ARHGEF1: variants seen among roughly 807,000 people sequenced by gnomAD.
ARHGEF1 encodes 115 kDa guanine nucleotide exchange factor.
ARHGEF1 carries 40 observed loss-of-function variants against 119.7 expected under a neutral mutation model. The observed-to-expected ratio is 0.33, with a 90% CI of 0.26 to 0.44. The LOEUF is 0.44. ARHGEF1 is among the 20% of genes least tolerant of loss of function. The pLI is 1.00. For synonymous variants in ARHGEF1, 494 were observed against 521.0 expected, an observed-to-expected ratio of 0.95 and a Z score of 0.71; for missense variants, 976 against 1,268.3, an observed-to-expected ratio of 0.77 and a Z score of 3.50.
Position 41,903,033 on chromosome 19 carries a change from T to C in ARHGEF1, c.1738+135T>C. 1 of 773,962 alleles carries C rather than the reference T, an allele frequency of 1.3e-6. No individual in the cohort carries two copies. The highest frequency in any genetic ancestry group is 2.0e-6 in the Non-Finnish European group (1 of 495,154). The allele number at this position is 773,962 out of a possible 1,614,324, so 47.9% of individuals were successfully genotyped here. A position where few individuals can be genotyped will look rare whatever the true frequency, so the allele number is the denominator to read the frequency against. On this transcript the variant is annotated intron_variant, in intron 18 of 28. Coordinates refer to ENST00000354532, the MANE Select transcript of ARHGEF1 (RefSeq NM_004706.4). The surrounding 1 kb of genome is among the most constrained non-coding windows in gnomAD (Gnocchi z 4.2). Reference sequence around the variant, plus strand: ...TCCCAGGATCTACCATCCTCCCACCTCAGCTCCCCAAGTAGCTGGGACCCC... The same window carrying C: ...TCCCAGGATCTACCATCCTCCCACCCCAGCTCCCCAAGTAGCTGGGACCCC...
chr19:41,896,697 CT>C, intron 13 of ARHGEF1: 1 of 694,764 alleles, frequency 1.4e-6, no homozygotes. Flanking sequence ...TTTATCCTTC[CT>C]TTTTCCTCTG....
chr19:41,905,046 G>C lies in ARHGEF1; in HGVS notation c.2249+10G>C. On this transcript the variant is annotated intron_variant, in intron 23 of 28. Coordinates refer to ENST00000354532, the MANE Select transcript of ARHGEF1 (RefSeq NM_004706.4). This position sits in a 1 kb window ranked among gnomAD's most constrained non-coding sequence, Gnocchi z 6.4. ...TGTCGGAGCGGAAAAAGTGAGGGGGGGTCTGAGTTCTGAGTGTGGGTGGAG... is the reference window on the plus strand; with the variant it reads ...TGTCGGAGCGGAAAAAGTGAGGGGGCGTCTGAGTTCTGAGTGTGGGTGGAG... 1 of 1,614,016 alleles carries C rather than the reference G, an allele frequency of 6.2e-7. No homozygotes were observed. Among genetic ancestry groups the C allele is most frequent in the Non-Finnish European group, 8.5e-7 (1 of 1,179,882 alleles).
chr19:41,924,313 A>G (rs2074859285), intron 1 of ARHGEF1, among the ~76,000 whole-genome samples: 2 of 152,036 alleles, frequency 1.3e-5, no homozygotes, highest in African/African-American at 4.8e-5. Flanking sequence ...ACTTGACTCA[A>G]ATCTCTAACA....
chr19:41,896,821 A>ACCTCCCCTCTCCTCTCTCG, intron 13 of ARHGEF1: 1 of 160,282 alleles, frequency 6.2e-6, no homozygotes, highest in Non-Finnish European at 1.3e-5. Flanking sequence ...CTCCTCTCTC[A>ACCTCCCCTCTCCTCTCTCG]CCTCCCCCAT....
chr19:41,905,256 G>A lies in ARHGEF1; in HGVS notation c.2331G>A (p.Pro777=), dbSNP rs1555849881. The A allele has an allele frequency of 6.2e-6, 10 of 1,612,804 alleles. No individual in the cohort carries two copies. The highest frequency in any genetic ancestry group is 2.2e-5 in the East Asian group (1 of 44,850). ...CTCGCCCTAAGCCCCGGCCCAGCCC[G>A]AGCAGGTGAGGGGGGCCATGGAGAG... ...PASRPKPRPS[P]SSTREPLLSS... Residue 777 remains proline, a synonymous_variant, in exon 24 of 29, where the codon CCG becomes CCA. Transcript: ENST00000354532. The surrounding 1 kb of genome is among the most constrained non-coding windows in gnomAD (Gnocchi z 6.4).
At chr19:41,925,671 TG>T (rs1481058061) in intron 1 of ARHGEF1, among the ~76,000 whole-genome samples, 1 of 152,002 alleles carries the variant, frequency 6.6e-6, no homozygotes, top group African/African-American at 2.4e-5. Context: ...GTGCTTCTGT[TG>T]TCTGTGATGA....
In ARHGEF1 at chr19:41,896,487, C is replaced by T. The variant is rs375093075; in HGVS notation, c.1121+5C>T. The T allele has an allele frequency of 6.8e-5, 101 of 1,489,040 alleles. No homozygotes were observed. In the African/African-American group the frequency reaches 1.3e-3, roughly 20 times the overall value. 92.2% of individuals were successfully genotyped at this position (1,489,040 alleles called of 1,614,324 possible). On this transcript the variant is annotated splice_donor_5th_base_variant and intron_variant, in intron 13 of 28. Coordinates refer to ENST00000354532, the MANE Select transcript of ARHGEF1 (RefSeq NM_004706.4). ...CGAGGGGGCCGAAACCGAGAGGTGCCCAGGCTGGGGTGCAGGGGCGGGAGG... is the reference window on the plus strand; with the variant it reads ...CGAGGGGGCCGAAACCGAGAGGTGCTCAGGCTGGGGTGCAGGGGCGGGAGG...
rs149118514 is a variant in ARHGEF1, at chr19:41,894,619, G to T, written c.842-7G>T. ...CCCACTCACTGTCTCATTCTCTCTCGTTTCAGTTCCAGATTTTCGACACCT... is the reference window on the plus strand; with the variant it reads ...CCCACTCACTGTCTCATTCTCTCTCTTTTCAGTTCCAGATTTTCGACACCT... On this transcript the variant is annotated splice_polypyrimidine_tract_variant and splice_region_variant and intron_variant, in intron 10 of 28. Coordinates refer to ENST00000354532, the MANE Select transcript of ARHGEF1 (RefSeq NM_004706.4). 3 of 1,614,024 alleles carry T rather than the reference G, an allele frequency of 1.9e-6. No individual in the cohort carries two copies. Among genetic ancestry groups the T allele is most frequent in the Non-Finnish European group, 2.5e-6 (3 of 1,179,940 alleles).
At chr19:41,897,524 C>T in intron 13 of ARHGEF1, 1 of 295,488 alleles carries the variant, frequency 3.4e-6, no homozygotes. Flanking sequence ...CCCCCTGCCT[C>T]AGGGAAGGGA....
intron 13 of ARHGEF1, chr19:41,897,086 GCCCCCTGCCCCCCA>G: frequency 8.2e-6 from 1 of 122,412 alleles, no homozygotes; most frequent in Non-Finnish European, 1.5e-5. Flanking sequence ...AAGCCCCCCT[GCCCCCTGCCCCCCA>G]CCCCCCGCCT....
At chr19:41,908,687 CAG>C (rs1796813743), downstream of ARHGEF1, 5 of 1,228,572 alleles carry the variant, frequency 4.1e-6, no homozygotes, top group South Asian at 4.1e-5. This position sits in a 1 kb window ranked among gnomAD's most constrained non-coding sequence, Gnocchi z 6.7. Context: ...CTGGGGGGCA[CAG>C]GGGTAGGTCA....
upstream of ARHGEF1, among the ~76,000 whole-genome samples, chr19:41,921,909 C>T (rs781902874): frequency 1.3e-5 from 2 of 150,904 alleles, no homozygotes; most frequent in Non-Finnish European, 3.0e-5. This position sits in a 1 kb window ranked among gnomAD's most constrained non-coding sequence, Gnocchi z 4.4. Flanking sequence ...CCAGGCCCCA[C>T]CCCACCCAGA....
rs1362923364 is a variant in ARHGEF1 at position 41,906,080 on chromosome 19, C to T, written c.2491+55C>T. The T allele has an allele frequency of 1.3e-6, 2 of 1,503,674 alleles. No homozygotes were observed. Among genetic ancestry groups the T allele is most frequent in the African/African-American group, 1.4e-5 (1 of 72,458 alleles). 93.1% of individuals were successfully genotyped at this position (1,503,674 alleles called of 1,614,324 possible). A position where few individuals can be genotyped will look rare whatever the true frequency, so the allele number is the denominator to read the frequency against. ...CACCAGCCCAAACAGTGCCTCTGTT[C>T]CAACTAGAACAAGGCTCTCCACGTC... On this transcript the variant is annotated intron_variant, in intron 26 of 28. Transcript: ENST00000354532. The surrounding 1 kb of genome is among the most constrained non-coding windows in gnomAD (Gnocchi z 4.5).
In ARHGEF1 at chr19:41,905,473, CGTGTATGGTGTGTGT is replaced by C. The variant is rs2074676568; in HGVS notation, c.2336+215_2336+229del. The C allele has an allele frequency of 4.9e-6, 3 of 614,054 alleles. No individual in the cohort carries two copies. Among genetic ancestry groups the C allele is most frequent in the East Asian group, 2.7e-5 (1 of 36,412 alleles). 38.0% of individuals were successfully genotyped at this position (614,054 alleles called of 1,614,324 possible). ...GCATGTGTGCGTGTGCATGTGTGTG[CGTGTATGGTGTGTGT>C]GTATGCATATGTGTGCATGCGTGTG... On this transcript the variant is annotated intron_variant, in intron 24 of 28. Coordinates refer to ENST00000354532, the MANE Select transcript of ARHGEF1 (RefSeq NM_004706.4). This position sits in a 1 kb window ranked among gnomAD's most constrained non-coding sequence, Gnocchi z 6.4.
intron 1 of ARHGEF1, among the ~76,000 whole-genome samples, chr19:41,886,238 T>G (rs2074292136): frequency 6.6e-6 from 1 of 152,136 alleles, no homozygotes; most frequent in African/African-American, 2.4e-5. Flanking sequence ...GCCTGGCACA[T>G]ACTAAGTGTC....
chr19:41,888,677 G>A lies in ARHGEF1; in HGVS notation c.112-75G>A. 1 of 1,415,630 alleles carries A rather than the reference G, an allele frequency of 7.1e-7. No homozygotes were observed. The highest frequency in any genetic ancestry group is 9.9e-7 in the Non-Finnish European group (1 of 1,008,722). The allele number at this position is 1,415,630 out of a possible 1,614,324, so 87.7% of individuals were successfully genotyped here. A position where few individuals can be genotyped will look rare whatever the true frequency, so the allele number is the denominator to read the frequency against. ...CCCTGGCTTGGATCCCTTGTGAAGT[G>A]CCAGGAATGGGTAGGGTCAACCCTA... On this transcript the variant is annotated intron_variant, in intron 3 of 28. Transcript: ENST00000354532. This position sits in a 1 kb window ranked among gnomAD's most constrained non-coding sequence, Gnocchi z 5.1.
At chr19:41,908,982 T>C, downstream of ARHGEF1, 1 of 928,840 alleles carries the variant, frequency 1.1e-6, no homozygotes, top group Non-Finnish European at 1.4e-6. The surrounding 1 kb of genome is among the most constrained non-coding windows in gnomAD (Gnocchi z 6.7). Flanking sequence ...TCTTCTCTTG[T>C]CTTTTCTCAT....
chr19:41,895,475 A>T lies in ARHGEF1; in HGVS notation c.1004A>T (p.Asp335Val), dbSNP rs1555847400. 2 of 1,599,344 alleles carry T rather than the reference A, an allele frequency of 1.3e-6. No homozygotes were observed. The highest frequency in any genetic ancestry group is 2.7e-5 in the African/African-American group (2 of 74,574). ...CACCCTCTGTCCCTGGACAGCCCAG[A>T]CCGGGAACCAGGTGAGAGTTTCCTG... ...SLHPLSLDSP[D>V]REPGADAPLE... The change falls in exon 12 of 29, where the codon GAC becomes GTC. Residue 335 changes from aspartate to valine, a missense_variant. Transcript: ENST00000354532.
intron 12 of ARHGEF1, 109 bp downstream of exon 12, chr19:41,895,595 C>A: frequency 8.2e-7 from 1 of 1,222,464 alleles, no homozygotes; most frequent in South Asian, 1.5e-5. Flanking sequence ...CAACACCTCC[C>A]CTTTGCTCTC....
Sources: gnomAD v4.1 joint callset for allele counts (sites outside exome capture counted in the v4.1 genomes callset) on GRCh38, gnomAD v4.1.1 for gene constraint, Gnocchi (gnomAD v3.1) non-coding constraint, MANE v1.5 for transcripts, NCBI Gene and HGNC (gene_info 2026-07-23, HGNC 2026-07-21) for gene names.